The following CA1 variants were observed in gnomAD, a reference collection of about 807,000 sequenced individuals.
The protein encoded by CA1 is carbonate dehydratase I.
In CA1, 27 loss-of-function variants were observed where a neutral mutation model predicts 28.8. That is an observed-to-expected ratio of 0.94 (90% CI 0.69 to 1.29). The LOEUF (loss-of-function observed/expected upper bound fraction) is 1.29, where lower values mean the gene tolerates loss of function less well. Among genes scored for constraint, CA1 ranks in the 50% most tolerant of loss-of-function variants. The pLI is 0.00. For synonymous variants in CA1, 121 were observed against 108.8 expected (o/e 1.11, Z -0.70); for missense variants, 335 against 310.5 (o/e 1.08, Z -0.59).
At chr8:85,338,225 A>G in intron 3 of CA1, 27 bp downstream of exon 3, 1 of 1,591,392 alleles carries the variant, frequency 6.3e-7, no homozygotes, top group Non-Finnish European at 8.6e-7. Context: ...TGTAAGAAAA[A>G]AATATCAGAA....
chr8:85,358,676 C>T (rs1161027341), intron 1 of CA1, among the ~76,000 whole-genome samples: 1 of 152,226 alleles, frequency 6.6e-6, no homozygotes, highest in Non-Finnish European at 1.5e-5. Flanking sequence ...CCCTTACTGA[C>T]TCAGGGCATG....
chr8:85,375,921 T>C (rs1482061130), intron 1 of CA1, among the ~76,000 whole-genome samples: 2 of 152,200 alleles, frequency 1.3e-5, no homozygotes, highest in African/African-American at 4.8e-5. Context: ...TTGAACTGGA[T>C]ATAAAACATG....
intron 4 of CA1, among the ~76,000 whole-genome samples, chr8:85,334,763 C>A (rs544096549): frequency 6.6e-6 from 1 of 152,046 alleles, no homozygotes; most frequent in Non-Finnish European, 1.5e-5. Context: ...GAGGCCGAGG[C>A]GGGCGGATCA....
At chr8:85,357,085 TATGAATAGTCATAGTAC>T (rs1326264502) in intron 1 of CA1, among the ~76,000 whole-genome samples, 1 of 152,202 alleles carries the variant, frequency 6.6e-6, no homozygotes, top group Non-Finnish European at 1.5e-5. Context: ...GGAGCAAATG[TATGAATAGTCATAGTAC>T]ATGGAATAAA....
intron 2 of CA1, chr8:85,341,278 C>T (rs1808915630): frequency 4.0e-6 from 1 of 249,494 alleles, no homozygotes; most frequent in African/African-American, 2.2e-5. Flanking sequence ...ATAGTGTAAA[C>T]ATAACTTGTA....
At position 85,338,340 on chromosome 8, in the gene CA1, A is replaced by T. The variant is rs765511895; in HGVS notation, c.147T>A (p.Ser49Arg). 1.2e-6 allele frequency: 2 copies of T among 1,613,854 alleles called. No homozygotes were observed. Among genetic ancestry groups the T allele is most frequent in the Non-Finnish European group, 1.7e-6 (2 of 1,179,754 alleles). Residue 49 changes from serine (S) to arginine (R), a missense_variant, in exon 3 of 8, where the codon AGT becomes AGA. Physicochemically the swap from Ser to Arg is moderately radical, Grantham distance 110. Transcript: ENST00000523022. ...TKHDTSLKPI[S>R]VSYNPATAKE... ...TGGCTGTGGCTGGGTTGTAGGAGAC[A>T]CTAATAGGTTTCAGAGAGGTGTCAT...
chr8:85,354,754 G>T (rs1337538247), intron 1 of CA1, among the ~76,000 whole-genome samples: 1 of 152,148 alleles, frequency 6.6e-6, no homozygotes, highest in African/African-American at 2.4e-5. Context: ...TTGATATAAA[G>T]AGAGAAAACA....
At chr8:85,363,741 T>A (rs1809893610) in intron 1 of CA1, among the ~76,000 whole-genome samples, 1 of 152,166 alleles carries the variant, frequency 6.6e-6, no homozygotes, top group African/African-American at 2.4e-5. Flanking sequence ...AAGCCTTTGC[T>A]CCCTCATATC....
At chr8:85,370,450 A>G (rs1182714642) in intron 1 of CA1, among the ~76,000 whole-genome samples, 3 of 152,126 alleles carry the variant, frequency 2.0e-5, no homozygotes, top group Non-Finnish European at 4.4e-5. Context: ...AACTTTTAAA[A>G]TCTTCTGGCT....
intron 1 of CA1, among the ~76,000 whole-genome samples, chr8:85,366,182 T>TC (rs1468220187): frequency 6.6e-6 from 1 of 150,838 alleles, no homozygotes; most frequent in African/African-American, 2.4e-5. Flanking sequence ...TTTTTTTTTT[T>TC]TTTAAGTTTT....
chr8:85,342,328 T>C (rs968176864), intron 1 of CA1, among the ~76,000 whole-genome samples: 5 of 152,192 alleles, frequency 3.3e-5, no homozygotes, highest in African/African-American at 1.2e-4. Flanking sequence ...ATAAAGGTCT[T>C]ATTTTTTAAT....
chr8:85,329,656 G>A lies in CA1; in HGVS notation c.669+33C>T, dbSNP rs183492990. 1.3e-4 allele frequency: 199 copies of A among 1,563,344 alleles called. 1 individual carries two copies. In the African/African-American group the frequency reaches 2.1e-3, roughly 16 times the overall value. On this transcript the variant is annotated intron_variant, in intron 7 of 7. Coordinates refer to ENST00000523022, the MANE Select transcript of CA1 (RefSeq NM_001128831.4). ...TCAATTAAAGTAATATTCCTGCTAC[G>A]CATTCCCAGTTCCCATTCATTCACA...
chr8:85,356,804 G>A (rs556215933), intron 1 of CA1, among the ~76,000 whole-genome samples: 13 of 152,116 alleles, frequency 8.5e-5, no homozygotes, highest in Non-Finnish European at 1.8e-4. Context: ...ATAAGGTGCA[G>A]ATGAATCTCC....
At chr8:85,369,078 G>C (rs961559839) in intron 1 of CA1, among the ~76,000 whole-genome samples, 10 of 152,074 alleles carry the variant, frequency 6.6e-5, no homozygotes, top group Non-Finnish European at 1.2e-4. Flanking sequence ...TCCCAGCCTT[G>C]AACCCTGATC....
intron 1 of CA1, among the ~76,000 whole-genome samples, chr8:85,353,684 T>C (rs1809495743): frequency 2.0e-5 from 3 of 152,206 alleles, no homozygotes. Flanking sequence ...GTATTTTTTT[T>C]TTGGCTTTGC....
At chr8:85,332,401 A>G in intron 6 of CA1, 89 bp downstream of exon 6, 1 of 1,030,850 alleles carries the variant, frequency 9.7e-7, no homozygotes, top group Non-Finnish European at 1.5e-6. Context: ...TGGCCTTCCT[A>G]CTCCCCAGTT....
intron 1 of CA1, among the ~76,000 whole-genome samples, chr8:85,361,815 G>A (rs1356869492): frequency 1.3e-5 from 2 of 152,118 alleles, no homozygotes; most frequent in African/African-American, 2.4e-5. Flanking sequence ...CTGGACCAGC[G>A]CTATTAGCAC....
At chr8:85,332,404 C>T (rs1808442803) in intron 6 of CA1, 86 bp downstream of exon 6, 2 of 1,073,424 alleles carry the variant, frequency 1.9e-6, no homozygotes, top group East Asian at 2.4e-5. Context: ...CCTTCCTACT[C>T]CCCAGTTTTA....
chr8:85,353,017 A>G (rs1564035955), intron 1 of CA1, among the ~76,000 whole-genome samples: 1 of 152,122 alleles, frequency 6.6e-6, no homozygotes, highest in South Asian at 2.1e-4. Context: ...TGGGAAGAAT[A>G]TTGCTGAAGG....
Sources: gnomAD v4.1 joint callset for allele counts (sites outside exome capture counted in the v4.1 genomes callset) on GRCh38, gnomAD v4.1.1 for gene constraint, MANE v1.5 for transcripts, NCBI Gene and HGNC (gene_info 2026-07-23, HGNC 2026-07-21) for gene names.